Variants in CTNNA2 observed in about 807,000 individuals in gnomAD.
CTNNA2 encodes the protein catenin alpha-2.
In CTNNA2, 42 loss-of-function variants were observed where a neutral mutation model predicts 101.0. The ratio of observed to expected loss-of-function variants is 0.42; its 90% confidence interval spans 0.32 to 0.54. The LOEUF is 0.54. CTNNA2 is among the 20% of genes least tolerant of loss of function. The pLI is 0.14. For synonymous variants in CTNNA2, 450 were observed against 456.4 expected (o/e 0.99, Z 0.18); for missense variants, 871 against 1,223.1 (o/e 0.71, Z 4.29).
chr2:79,641,068 G>T (rs1252830667), intron 1 of CTNNA2, among the ~76,000 whole-genome samples: 1 of 152,204 alleles, frequency 6.6e-6, no homozygotes, highest in Non-Finnish European at 1.5e-5. Context: ...GTTATACCCT[G>T]ATCGGAGTAG....
intron 3 of CTNNA2, among the ~76,000 whole-genome samples, chr2:79,816,840 A>C (rs1477411645): frequency 1.3e-5 from 2 of 152,150 alleles, no homozygotes; most frequent in African/African-American, 2.4e-5. Flanking sequence ...AGAGAGTTAA[A>C]ATAGCCTTTT....
intron 8 of CTNNA2, among the ~76,000 whole-genome samples, chr2:80,408,800 G>A (rs181196257): frequency 6.6e-6 from 1 of 152,256 alleles, no homozygotes; most frequent in Non-Finnish European, 1.5e-5. Context: ...TCAACAGCCA[G>A]GTCCATAAAC....
At chr2:80,549,465 A>C (rs1475861347) in intron 11 of CTNNA2, among the ~76,000 whole-genome samples, 1 of 152,122 alleles carries the variant, frequency 6.6e-6, no homozygotes, top group East Asian at 1.9e-4. Flanking sequence ...ATTTTTTTTC[A>C]TAACAAAATT....
At chr2:80,175,863 T>C (rs955533317) in intron 7 of CTNNA2, among the ~76,000 whole-genome samples, 5 of 152,184 alleles carry the variant, frequency 3.3e-5, no homozygotes, top group Admixed American at 3.3e-4. Context: ...GCTGAAGAAC[T>C]TGGAGTTCAA....
intron 3 of CTNNA2, among the ~76,000 whole-genome samples, chr2:79,826,192 A>C (rs1464155861): frequency 6.6e-6 from 1 of 152,234 alleles, no homozygotes; most frequent in Non-Finnish European, 1.5e-5. Context: ...AAAAACAGTA[A>C]TTAGTTGAAT....
chr2:80,542,886 C>G (rs920598680), intron 9 of CTNNA2, among the ~76,000 whole-genome samples: 2 of 151,972 alleles, frequency 1.3e-5, no homozygotes, highest in Non-Finnish European at 2.9e-5. Flanking sequence ...TTTCCCCCCC[C>G]CACATGCCAC....
chr2:79,772,080 A>G (rs1553465665), intron 3 of CTNNA2, among the ~76,000 whole-genome samples: 1 of 149,280 alleles, frequency 6.7e-6, no homozygotes, highest in Non-Finnish European at 1.5e-5. Flanking sequence ...CTTGCTATAG[A>G]ATGGACTTCT....
rs1267797225 is a variant in CTNNA2, at chr2:80,084,417, CT to C, written c.1056+174625del. ...TGGAGTTCTAATTTTTAACAAAGTC[CT>C]TTTTATTTTTATCTTTAATTGACTC... On this transcript the variant is annotated intron_variant, in intron 7 of 18. Coordinates refer to ENST00000402739, the MANE Select transcript of CTNNA2 (RefSeq NM_001282597.3). Among the ~76,000 whole-genome samples, 3 of 152,140 alleles carry C rather than the reference CT, an allele frequency of 2.0e-5. No individual in the cohort carries two copies. In the East Asian group the frequency reaches 5.8e-4, roughly 29 times the overall value.
chr2:79,396,271 G>T (rs899873966), intron 4 of CTNNA2, among the ~76,000 whole-genome samples: 2 of 151,900 alleles, frequency 1.3e-5, no homozygotes, highest in African/African-American at 4.8e-5. Context: ...TGATTCTCCT[G>T]TCTCAGCCTC....
intron 3 of CTNNA2, among the ~76,000 whole-genome samples, chr2:79,337,765 T>C (rs1295089684): frequency 1.3e-5 from 2 of 152,076 alleles, no homozygotes; most frequent in Non-Finnish European, 2.9e-5. Flanking sequence ...AAAAGGCATT[T>C]ACCTACGTAG....
chr2:79,940,238 C>G (rs773416882), intron 7 of CTNNA2, among the ~76,000 whole-genome samples: 1 of 151,840 alleles, frequency 6.6e-6, no homozygotes, highest in Non-Finnish European at 1.5e-5. Flanking sequence ...TTATAAAATC[C>G]AAGAACAAAT....
chr2:80,525,366 A>G lies in CTNNA2; in HGVS notation c.1291-19616A>G, dbSNP rs1408208311. ...CCCGGAAGTCTTTGGGGCCTCTTTC[A>G]ATCTGAATGATCTGGATTTCCCCTT... On this transcript the variant is annotated intron_variant, in intron 9 of 18. Transcript: ENST00000402739. Among the ~76,000 whole-genome samples, 3 of 152,012 alleles carry G rather than the reference A, an allele frequency of 2.0e-5. No individual in the cohort carries two copies. The South Asian group carries it at 6.2e-4, about 32-fold the overall frequency.
intron 7 of CTNNA2, among the ~76,000 whole-genome samples, chr2:80,096,771 T>C (rs888705471): frequency 2.0e-5 from 3 of 152,228 alleles, no homozygotes; most frequent in Non-Finnish European, 4.4e-5. Context: ...TGGCCTTCTT[T>C]GTCTCTTTTG....
chr2:79,660,250 T>C (rs368075251), intron 2 of CTNNA2, among the ~76,000 whole-genome samples: 8,577 of 149,706 alleles, frequency 0.057, 313 homozygotes, highest in Non-Finnish European at 0.072. Flanking sequence ...TATATGTGTA[T>C]ATACATATGT....
At chr2:79,264,491 T>C (rs555732001) in intron 2 of CTNNA2, among the ~76,000 whole-genome samples, 6 of 152,094 alleles carry the variant, frequency 3.9e-5, no homozygotes, top group Non-Finnish European at 8.8e-5. Flanking sequence ...CTCTTGATCA[T>C]GAGATGATCA....
chr2:80,229,877 C>T (rs972048144), intron 7 of CTNNA2, among the ~76,000 whole-genome samples: 9 of 152,054 alleles, frequency 5.9e-5, no homozygotes, highest in African/African-American at 2.2e-4. Context: ...TTAGGAAATT[C>T]TGGGCGCTTT....
At chr2:80,346,056 T>C (rs777222695) in intron 7 of CTNNA2, among the ~76,000 whole-genome samples, 8 of 152,246 alleles carry the variant, frequency 5.3e-5, no homozygotes, top group Non-Finnish European at 8.8e-5. Context: ...ATCACAATTT[T>C]TTTGAACCAT....
intron 7 of CTNNA2, among the ~76,000 whole-genome samples, chr2:80,228,131 T>C (rs565928656): frequency 8.7e-4 from 132 of 152,350 alleles, no homozygotes; most frequent in African/African-American, 3.1e-3. Flanking sequence ...GGATCTGTGT[T>C]CAGCAAAATT....
At chr2:80,185,216 G>C (rs781114736) in intron 7 of CTNNA2, among the ~76,000 whole-genome samples, 2 of 152,178 alleles carry the variant, frequency 1.3e-5, no homozygotes, top group African/African-American at 2.4e-5. Context: ...CTTACTGGCT[G>C]TTGGCCAGAA....
Sources: gnomAD v4.1 joint callset for allele counts (sites outside exome capture counted in the v4.1 genomes callset) on GRCh38, gnomAD v4.1.1 for gene constraint, MANE v1.5 for transcripts, NCBI Gene and HGNC (gene_info 2026-07-23, HGNC 2026-07-21) for gene names.